FBXO9: variants seen among roughly 807,000 people sequenced by gnomAD.
FBXO9 encodes the protein F-box only protein 9.
A neutral mutation model predicts 63.7 loss-of-function variants in FBXO9; 43 were observed. That is an observed-to-expected ratio of 0.67 (90% CI 0.53 to 0.87). The LOEUF (loss-of-function observed/expected upper bound fraction) is 0.87, where lower values mean the gene tolerates loss of function less well. Among genes scored for constraint, FBXO9 ranks in the 40% least tolerant of loss-of-function variants. The pLI, the probability that FBXO9 is intolerant of heterozygous loss-of-function variation, is 0.00. For missense variants in FBXO9, 442 were observed against 533.2 expected (o/e 0.83, Z 1.68); for synonymous variants, 156 against 171.7 (o/e 0.91, Z 0.72).
chr6:53,094,280 G>C (rs1238672831), intron 11 of FBXO9, among the ~76,000 whole-genome samples: 1 of 152,058 alleles, frequency 6.6e-6, no homozygotes, highest in Non-Finnish European at 1.5e-5. Context: ...TTTTGGCTCT[G>C]CTCATGTCGA....
chr6:53,086,883 C>T (rs1762905175), intron 7 of FBXO9, among the ~76,000 whole-genome samples: 1 of 152,044 alleles, frequency 6.6e-6, no homozygotes, highest in African/African-American at 2.4e-5. Context: ...GCCTGGACAA[C>T]ATCTCTACTA....
chr6:53,097,917 C>CGT lies in FBXO9; in HGVS notation c.*96_*97dup, dbSNP rs1562077534. ...CCTAAGTTATAAATGTGTGTGTGTG[C>CGT]GTGTGTGTGTATATATATATATATA... On this transcript the variant is annotated 3_prime_UTR_variant, in exon 13 of 13. Coordinates refer to ENST00000323557, the MANE Select transcript of FBXO9 (RefSeq NM_033480.3). The CGT allele has an allele frequency of 1.6e-4, 25 of 160,538 alleles. No homozygotes were observed. The highest frequency in any genetic ancestry group is 2.9e-4 in the African/African-American group (8 of 27,128). The allele number at this position is 160,538 out of a possible 1,614,324, so 9.9% of individuals were successfully genotyped here.
chr6:53,071,212 A>G (rs1459903413), intron 2 of FBXO9, 69 bp downstream of exon 2: 1 of 1,413,162 alleles, frequency 7.1e-7, no homozygotes, highest in African/African-American at 1.4e-5. Context: ...AATTGATCAT[A>G]ATCATGGGTA....
At position 53,073,658 on chromosome 6, in the gene FBXO9, GTAACAAATTACATTTTTT is replaced by G; in HGVS notation, c.249+21_249+38del. On this transcript the variant is annotated intron_variant, in intron 3 of 12. Coordinates refer to ENST00000323557, the MANE Select transcript of FBXO9 (RefSeq NM_033480.3). ...AGAAAAGTTAAGTATTATAGATATT[GTAACAAATTACATTTTTT>G]TTTTTTTGGCACATGGAAATTTTCA... 6.9e-7 allele frequency: 1 copy of G among 1,455,614 alleles called. No homozygotes were observed. Among genetic ancestry groups the G allele is most frequent in the Non-Finnish European group, 9.0e-7 (1 of 1,110,330 alleles). 90.2% of individuals were successfully genotyped at this position (1,455,614 alleles called of 1,614,324 possible).
At chr6:53,094,920 T>C (rs1374968058) in intron 11 of FBXO9, 2 of 192,882 alleles carry the variant, frequency 1.0e-5, no homozygotes, top group Non-Finnish European at 2.3e-5. Context: ...CCATGTAGAA[T>C]GTCAATTTTC....
At chr6:53,085,609 A>G (rs1762855683) in intron 7 of FBXO9, among the ~76,000 whole-genome samples, 1 of 151,862 alleles carries the variant, frequency 6.6e-6, no homozygotes, top group South Asian at 2.1e-4. Context: ...ACATCTATAC[A>G]AATATAACTT....
intron 7 of FBXO9, among the ~76,000 whole-genome samples, chr6:53,086,090 G>A (rs562194932): frequency 3.3e-5 from 5 of 152,138 alleles, no homozygotes; most frequent in Non-Finnish European, 7.3e-5. Context: ...CGGAGGTTGC[G>A]GTGAGCTAAG....
intron 1 of FBXO9, chr6:53,070,775 A>T: frequency 2.7e-6 from 1 of 374,690 alleles, no homozygotes; most frequent in South Asian, 7.3e-5. Flanking sequence ...TGATTTTTGG[A>T]TGGATGCAAC....
intron 6 of FBXO9, among the ~76,000 whole-genome samples, chr6:53,081,658 A>G (rs1769316819): frequency 6.6e-6 from 1 of 152,228 alleles, no homozygotes; most frequent in Non-Finnish European, 1.5e-5. Context: ...GTAAAGATCT[A>G]ACAGGGTAAG....
At chr6:53,075,737 A>ATTTTTTTTT (rs1203980167) in intron 3 of FBXO9, among the ~76,000 whole-genome samples, 5 of 102,910 alleles carry the variant, frequency 4.9e-5, no homozygotes, top group East Asian at 2.8e-4. Flanking sequence ...ATATATAATT[A>ATTTTTTTTT]TTTTTTTTTT....
At chr6:53,084,594 G>A (rs996907858) in intron 7 of FBXO9, among the ~76,000 whole-genome samples, 2 of 152,180 alleles carry the variant, frequency 1.3e-5, no homozygotes, top group Non-Finnish European at 2.9e-5. Context: ...TCATGATATT[G>A]TTGTGTGGCT....
Position 53,065,767 on chromosome 6 carries a change from G to T in FBXO9, c.-23G>T. On this transcript the variant is annotated 5_prime_UTR_variant, in exon 1 of 13. Transcript: ENST00000323557. ...AGAGGGGGCACGGAGAGCCCCTCGAGCGCAGCAGGCCGCCCCGCCAGCATG... is the reference window on the plus strand; with the variant it reads ...AGAGGGGGCACGGAGAGCCCCTCGATCGCAGCAGGCCGCCCCGCCAGCATG... The T allele has an allele frequency of 7.1e-7, 1 of 1,401,040 alleles. No homozygotes were observed. Among genetic ancestry groups the T allele is most frequent in the Non-Finnish European group, 9.3e-7 (1 of 1,077,580 alleles). The allele number at this position is 1,401,040 out of a possible 1,614,324, so 86.8% of individuals were successfully genotyped here.
intron 1 of FBXO9, among the ~76,000 whole-genome samples, chr6:53,066,531 G>A (rs978598874): frequency 4.6e-5 from 7 of 152,232 alleles, no homozygotes; most frequent in Admixed American, 3.3e-4. Context: ...GGGGCTTAAA[G>A]AATCAGGGAT....
intron 4 of FBXO9, among the ~76,000 whole-genome samples, chr6:53,077,405 G>A (rs1033024308): frequency 5.4e-5 from 8 of 147,502 alleles, no homozygotes; most frequent in South Asian, 4.3e-4. Context: ...CCCGGGAGGC[G>A]GAGCTTGCAG....
At chr6:53,093,620 A>T in intron 10 of FBXO9, 59 bp downstream of exon 10, 1 of 1,262,068 alleles carries the variant, frequency 7.9e-7, no homozygotes. Context: ...GGTTCCTTGC[A>T]GGTTAAAGTA....
chr6:53,081,863 G>A (rs1004599073), intron 6 of FBXO9, among the ~76,000 whole-genome samples: 1 of 152,112 alleles, frequency 6.6e-6, no homozygotes, highest in South Asian at 2.1e-4. Context: ...GAGGCCAGGA[G>A]TTCAAGATAA....
At chr6:53,078,705 A>G (rs1769203951) in intron 4 of FBXO9, 94 bp from the exon 5 acceptor site, 10 of 894,598 alleles carry the variant, frequency 1.1e-5, no homozygotes, top group Non-Finnish European at 1.6e-5. Flanking sequence ...CCGTTTGTAA[A>G]GAAAGTTACC....
rs1763190095 is a variant in FBXO9, at chr6:53,095,658, C to G, written c.1199C>G (p.Thr400Ser). Residue 400 changes from threonine to serine, a missense_variant, in exon 12 of 13, where the codon ACT becomes AGT. Physicochemically the swap from Thr to Ser is moderately conservative, Grantham distance 58. This residue lies in a region of FBXO9 where 262 missense variants were observed against 362.1 expected (regional missense o/e 0.72). Coordinates refer to ENST00000323557, the MANE Select transcript of FBXO9 (RefSeq NM_033480.3). Reference protein sequence around the residue: ...LIWIHHSCHITYKSTGETAVS... With the variant: ...LIWIHHSCHISYKSTGETAVS... Reference sequence around the variant, plus strand: ...TGGATACATCATTCTTGTCACATTACTTACAAGTAGGTGAATGCAATAAAA... The same window carrying G: ...TGGATACATCATTCTTGTCACATTAGTTACAAGTAGGTGAATGCAATAAAA... 1 of 1,607,632 alleles carries G rather than the reference C, an allele frequency of 6.2e-7. No homozygotes were observed. Among genetic ancestry groups the G allele is most frequent in the Admixed American group, 1.7e-5 (1 of 58,476 alleles).
At chr6:53,074,742 A>G (rs923598606) in intron 3 of FBXO9, among the ~76,000 whole-genome samples, 2 of 152,164 alleles carry the variant, frequency 1.3e-5, no homozygotes, top group Non-Finnish European at 2.9e-5. Context: ...GGCTTTTTTC[A>G]CTAAGTATAA....
Sources: gnomAD v4.1 joint callset for allele counts (sites outside exome capture counted in the v4.1 genomes callset) on GRCh38, gnomAD v4.1.1 for gene constraint, gnomAD v4.1.1 regional missense constraint, MANE v1.5 for transcripts, NCBI Gene and HGNC (gene_info 2026-07-23, HGNC 2026-07-21) for gene names.